The following ME3 variants were observed in gnomAD, a reference collection of about 807,000 sequenced individuals.
ME3 encodes the protein malic enzyme 3.
In ME3, 48 loss-of-function variants were observed where a neutral mutation model predicts 68.9. The ratio of observed to expected loss-of-function variants is 0.70; its 90% CI spans 0.55 to 0.89. ME3 has a LOEUF of 0.89. Ranked by LOEUF, ME3 falls within the 40% of genes least tolerant of loss-of-function variation. ME3 has a pLI of 0.00. For synonymous variants in ME3, 320 were observed against 318.8 expected (o/e 1.00, Z -0.04); for missense variants, 675 against 797.4 (o/e 0.85, Z 1.85).
chr11:86,559,890 G>T, intron 2 of ME3, 67 bp from the exon 3 acceptor site: 2 of 1,534,066 alleles, frequency 1.3e-6, no homozygotes, highest in East Asian at 2.3e-5. Flanking sequence ...AACAGAAGGG[G>T]TCCCACCCAC....
At chr11:86,474,841 C>G (rs1485874082) in intron 7 of ME3, among the ~76,000 whole-genome samples, 2 of 152,218 alleles carry the variant, frequency 1.3e-5, no homozygotes, top group African/African-American at 4.8e-5. Context: ...CACATTAAAT[C>G]TATGCAAACC....
At chr11:86,583,469 T>C (rs952771047) in intron 2 of ME3, among the ~76,000 whole-genome samples, 1 of 152,224 alleles carries the variant, frequency 6.6e-6, no homozygotes, top group Non-Finnish European at 1.5e-5. Context: ...CTTTGTATAA[T>C]GAAGTATGTC....
chr11:86,665,017 G>A (rs1487636233), intron 2 of ME3, among the ~76,000 whole-genome samples: 1 of 152,226 alleles, frequency 6.6e-6, no homozygotes, highest in Non-Finnish European at 1.5e-5. Context: ...TGGGCGATGA[G>A]AGTCACCAGG....
At chr11:86,513,962 T>A (rs774748811) in intron 4 of ME3, among the ~76,000 whole-genome samples, 1 of 152,258 alleles carries the variant, frequency 6.6e-6, no homozygotes, top group East Asian at 1.9e-4. Context: ...CCCACCCAAA[T>A]CTCATCTTGA....
At chr11:86,610,750 G>A (rs951767949) in intron 2 of ME3, among the ~76,000 whole-genome samples, 4 of 152,182 alleles carry the variant, frequency 2.6e-5, no homozygotes, top group Non-Finnish European at 5.9e-5. Flanking sequence ...TCACAAGCAT[G>A]AACAATAACT....
chr11:86,441,466 GA>G, intron 14 of ME3, 26 bp from the exon 15 acceptor site: 1 of 1,562,360 alleles, frequency 6.4e-7, no homozygotes, highest in South Asian at 1.2e-5. Flanking sequence ...TTTGGCTAAG[GA>G]ACCGGATCTA....
chr11:86,566,367 C>T (rs1957480212), intron 2 of ME3, among the ~76,000 whole-genome samples: 1 of 152,166 alleles, frequency 6.6e-6, no homozygotes, highest in Non-Finnish European at 1.5e-5. Flanking sequence ...AGGCAGCTTC[C>T]CCCAGATTTC....
At chr11:86,456,159 C>T (rs114928636) in intron 8 of ME3, among the ~76,000 whole-genome samples, 2,031 of 152,262 alleles carry the variant, frequency 0.013, 53 homozygotes, top group African/African-American at 0.047. Context: ...AACTAGATGG[C>T]CTCTCTAGGT....
chr11:86,475,817 C>T (rs1439894416), intron 7 of ME3, among the ~76,000 whole-genome samples: 1 of 148,080 alleles, frequency 6.8e-6, no homozygotes, highest in Non-Finnish European at 1.5e-5. Context: ...TTCTAAGATA[C>T]AGACTGAACC....
intron 6 of ME3, among the ~76,000 whole-genome samples, chr11:86,493,682 CCTT>C (rs1227494109): frequency 6.6e-6 from 1 of 152,202 alleles, no homozygotes; most frequent in Non-Finnish European, 1.5e-5. Flanking sequence ...ATGGGATGTC[CCTT>C]CTTCATGGGA....
rs775768095 is a variant in ME3 at position 86,595,292 on chromosome 11, C to CATATATATAT, written c.184-35479_184-35470dup. The stretch of plus-strand genomic sequence containing the variant: ...TCTATTTTACATATATATACATATA[C>CATATATATAT]ATATATATATATATAGAGAGAGAGA... On this transcript the variant is annotated intron_variant, in intron 2 of 14. Transcript: ENST00000543262. Among the ~76,000 whole-genome samples the CATATATATAT allele has an allele frequency of 5.7e-3, 708 of 124,226 alleles. 52 individuals carry two copies. The highest frequency in any genetic ancestry group is 9.2e-3 in the African/African-American group (292 of 31,890). 81.5% of individuals were successfully genotyped at this position (124,226 alleles called of 152,430 possible).
intron 8 of ME3, among the ~76,000 whole-genome samples, chr11:86,459,290 T>A (rs1950105200): frequency 6.6e-6 from 1 of 152,182 alleles, no homozygotes; most frequent in South Asian, 2.1e-4. Context: ...CCTGCTTCTC[T>A]TCTCCCCAGA....
At chr11:86,601,507 C>T (rs1198868522) in intron 2 of ME3, among the ~76,000 whole-genome samples, 6 of 152,094 alleles carry the variant, frequency 3.9e-5, no homozygotes, top group South Asian at 4.2e-4. Flanking sequence ...GATTCACAGC[C>T]GAATTCTACC....
intron 2 of ME3, among the ~76,000 whole-genome samples, chr11:86,599,441 T>C (rs745855605): frequency 5.9e-5 from 9 of 152,168 alleles, no homozygotes; most frequent in Non-Finnish European, 1.3e-4. Flanking sequence ...CCAAGAAATA[T>C]GGGACTATCT....
chr11:86,525,936 C>T (rs747439012), intron 4 of ME3, among the ~76,000 whole-genome samples: 9 of 151,862 alleles, frequency 5.9e-5, no homozygotes, highest in Admixed American at 4.6e-4. Context: ...CAGCTCCCAG[C>T]GTGAGCAACA....
At chr11:86,663,666 C>G (rs186806066) in intron 2 of ME3, among the ~76,000 whole-genome samples, 26 of 152,222 alleles carry the variant, frequency 1.7e-4, no homozygotes, top group South Asian at 4.1e-4. Flanking sequence ...TTTCCCCCCT[C>G]TCACTATAAT....
chr11:86,487,554 A>G (rs2279048), intron 6 of ME3, 114 bp from the exon 7 acceptor site: 431,187 of 761,048 alleles, frequency 0.57, 124,152 homozygotes, highest in Non-Finnish European at 0.59. Context: ...GAGAGGGGGG[A>G]GTAAGAAGGT....
intron 8 of ME3, among the ~76,000 whole-genome samples, chr11:86,456,673 G>A (rs550901306): frequency 6.6e-6 from 1 of 152,310 alleles, no homozygotes; most frequent in East Asian, 1.9e-4. Flanking sequence ...GCAGAGGGAA[G>A]TGAACTTAGG....
At position 86,530,323 on chromosome 11, in the gene ME3, A is replaced by G. The variant is rs568699063; in HGVS notation, c.468-21456T>C. Among the ~76,000 whole-genome samples, 31 of 152,330 alleles carry G rather than the reference A, an allele frequency of 2.0e-4. No homozygotes were observed. The South Asian group carries it at 3.1e-3, about 15-fold the overall frequency. Reference sequence around the variant, plus strand: ...GAAGGACCTCTTCAAGGAGAACTACAAACCACTGCTCAATGAAATAAAAGA... The same window carrying G: ...GAAGGACCTCTTCAAGGAGAACTACGAACCACTGCTCAATGAAATAAAAGA... On this transcript the variant is annotated intron_variant, in intron 4 of 14. Transcript: ENST00000543262.
Sources: allele counts gnomAD v4.1 joint callset (sites outside exome capture counted in the v4.1 genomes callset), GRCh38; gene constraint gnomAD v4.1.1; transcripts MANE v1.5; gene names NCBI Gene and HGNC (gene_info 2026-07-23, HGNC 2026-07-21).